The following LRRC69 variants were observed in gnomAD, a reference collection of about 807,000 sequenced individuals.
The protein encoded by LRRC69 is leucine-rich repeat-containing protein 69.
A neutral mutation model predicts 37.8 loss-of-function variants in LRRC69; 42 were observed. The observed-to-expected ratio is 1.11, with a 90% CI of 0.87 to 1.44. LRRC69 has a LOEUF of 1.44. Among genes scored for constraint, LRRC69 ranks in the 40% most tolerant of loss-of-function variants. The pLI, the probability that LRRC69 is intolerant of heterozygous loss-of-function variation, is 0.00. For missense variants in LRRC69, 357 were observed against 401.9 expected (o/e 0.89, Z 0.96); for synonymous variants, 141 against 143.1 (o/e 0.99, Z 0.11).
chr8:91,128,553 A>G (rs1229238750), intron 3 of LRRC69, among the ~76,000 whole-genome samples: 2 of 152,006 alleles, frequency 1.3e-5, no homozygotes, highest in African/African-American at 4.8e-5. Flanking sequence ...AGCCTGGGAA[A>G]GTTTCTTCAC....
At chr8:91,179,998 C>T (rs1046645623) in intron 5 of LRRC69, among the ~76,000 whole-genome samples, 21 of 152,100 alleles carry the variant, frequency 1.4e-4, no homozygotes, top group African/African-American at 4.1e-4. Context: ...TATTTTTAGC[C>T]TAGTGTCCTG....
chr8:91,110,902 T>C (rs1160457710), intron 1 of LRRC69, among the ~76,000 whole-genome samples: 1 of 151,982 alleles, frequency 6.6e-6, no homozygotes, highest in Non-Finnish European at 1.5e-5. Context: ...TAAATAAAGC[T>C]GGGCAAATTA....
intron 7 of LRRC69, among the ~76,000 whole-genome samples, chr8:91,210,607 A>T (rs1037574871): frequency 6.6e-6 from 1 of 151,062 alleles, no homozygotes; most frequent in Non-Finnish European, 1.5e-5. Flanking sequence ...GTTAACATCA[A>T]TCATCACTGA....
At chr8:91,195,746 G>A (rs1361582942) in intron 6 of LRRC69, among the ~76,000 whole-genome samples, 14 of 151,990 alleles carry the variant, frequency 9.2e-5, no homozygotes, top group Admixed American at 2.0e-4. Flanking sequence ...GTCTCTGCAC[G>A]TGAGATGGGT....
At chr8:91,166,492 G>GAAAAAAAAAAAAAA (rs66705016) in intron 5 of LRRC69, among the ~76,000 whole-genome samples, 44 of 95,238 alleles carry the variant, frequency 4.6e-4, no homozygotes, top group African/African-American at 1.4e-3. Context: ...AAAATAAACT[G>GAAAAAAAAAAAAAA]AAAAAAAAAA....
intron 7 of LRRC69, among the ~76,000 whole-genome samples, chr8:91,207,388 T>A (rs1809822872): frequency 6.6e-6 from 1 of 152,196 alleles, no homozygotes; most frequent in African/African-American, 2.4e-5. Context: ...TATTTTTTTT[T>A]ATGTGTGTGT....
intron 5 of LRRC69, among the ~76,000 whole-genome samples, chr8:91,171,364 T>G (rs1809128526): frequency 1.3e-5 from 2 of 152,026 alleles, no homozygotes; most frequent in South Asian, 4.1e-4. Context: ...AATTATAATA[T>G]CTAAGATTTT....
intron 2 of LRRC69, 146 bp downstream of exon 2, chr8:91,124,765 A>G: frequency 1.6e-6 from 1 of 631,030 alleles, no homozygotes; most frequent in Non-Finnish European, 2.6e-6. Context: ...ATATAGGAGG[A>G]GACAACACTT....
chr8:91,182,401 C>G (rs947211955), intron 5 of LRRC69, among the ~76,000 whole-genome samples: 2 of 151,918 alleles, frequency 1.3e-5, no homozygotes, highest in Admixed American at 1.3e-4. Context: ...CTAATATTTA[C>G]TAAAACATTA....
intron 5 of LRRC69, among the ~76,000 whole-genome samples, chr8:91,164,449 G>C (rs1808995618): frequency 6.6e-6 from 1 of 151,586 alleles, no homozygotes; most frequent in Non-Finnish European, 1.5e-5. Context: ...AACCTTCAAA[G>C]ATGGCCAAAG....
At chr8:91,188,091 T>C (rs1289267426) in intron 5 of LRRC69, among the ~76,000 whole-genome samples, 1 of 152,194 alleles carries the variant, frequency 6.6e-6, no homozygotes, top group East Asian at 1.9e-4. Flanking sequence ...TGGGTTCAAC[T>C]CTAGGTTGTA....
At chr8:91,122,554 T>C (rs1813644751) in intron 1 of LRRC69, among the ~76,000 whole-genome samples, 1 of 152,076 alleles carries the variant, frequency 6.6e-6, no homozygotes, top group Non-Finnish European at 1.5e-5. Flanking sequence ...AAACGGTCCC[T>C]TGTATCTTTC....
rs1809873966 is a variant in LRRC69 at position 91,209,818 on chromosome 8, G to A, written c.933+9026G>A. On this transcript the variant is annotated intron_variant, in intron 7 of 7. Coordinates refer to ENST00000448384, the Ensembl canonical transcript of LRRC69. ...GGGAATGAGTAAGCCAAGAAGAGGA[G>A]ATATGAAAGGTTTTAAACAACTAGA... is the stretch of plus-strand genomic sequence containing the variant. 2.6e-5 allele frequency among the ~76,000 whole-genome samples: 4 copies of A among 152,290 alleles called. No homozygotes were observed. The South Asian group carries it at 8.3e-4, about 32-fold the overall frequency.
chr8:91,114,430 A>G (rs1813470996), intron 1 of LRRC69, among the ~76,000 whole-genome samples: 1 of 122,414 alleles, frequency 8.2e-6, no homozygotes. Context: ...ATGAATAAAG[A>G]AAATGTTTGT....
chr8:91,107,078 A>G (rs1813327655), intron 1 of LRRC69, among the ~76,000 whole-genome samples: 2 of 150,940 alleles, frequency 1.3e-5, no homozygotes, highest in Non-Finnish European at 2.9e-5. Context: ...CTGGGATTAC[A>G]TGTGTAAGCC....
chr8:91,217,042 T>C (rs772320406), intron 7 of LRRC69, among the ~76,000 whole-genome samples: 7 of 152,118 alleles, frequency 4.6e-5, no homozygotes, highest in Non-Finnish European at 8.8e-5. Flanking sequence ...ATGCAGCCTA[T>C]GGTGTCTCCT....
intron 3 of LRRC69, among the ~76,000 whole-genome samples, chr8:91,129,562 AATAAAAATGATT>A (rs1193035653): frequency 2.6e-5 from 4 of 151,996 alleles, no homozygotes; most frequent in Non-Finnish European, 4.4e-5. Context: ...TAAAAATGAT[AATAAAAATGATT>A]ATAAAAATGA....
At position 91,151,850 on chromosome 8, in the gene LRRC69, G is replaced by A. The variant is rs558670254; in HGVS notation, c.651+16111G>A. ...ATAATTGCCATTCTGACTTTTGTGG[G>A]ATGGTATCTCATTGTGGTTTTAATT... On this transcript the variant is annotated intron_variant, in intron 5 of 7. Transcript: ENST00000448384. Among the ~76,000 whole-genome samples the A allele has an allele frequency of 1.5e-4, 22 of 151,688 alleles. No individual in the cohort carries two copies. The South Asian group carries it at 4.0e-3, about 27-fold the overall frequency.
intron 1 of LRRC69, among the ~76,000 whole-genome samples, chr8:91,107,464 C>A (rs375280358): frequency 1.3e-5 from 2 of 151,890 alleles, no homozygotes; most frequent in African/African-American, 4.8e-5. Context: ...CAAATATTTA[C>A]CATTCATTTT....
Sources: allele counts gnomAD v4.1 joint callset (sites outside exome capture counted in the v4.1 genomes callset), GRCh38; gene constraint gnomAD v4.1.1; transcripts MANE v1.5; gene names NCBI Gene and HGNC (gene_info 2026-07-23, HGNC 2026-07-21).